The following EFCAB13 variants were observed in gnomAD, a reference collection of about 807,000 sequenced individuals.
EFCAB13 encodes EF-hand calcium-binding domain-containing protein 13.
In EFCAB13, 91 loss-of-function variants were observed where a neutral mutation model predicts 110.2. The observed-to-expected ratio is 0.83, with a 90% confidence interval of 0.70 to 0.98. The LOEUF is 0.98. Ranked by LOEUF, EFCAB13 falls within the 50% of genes least tolerant of loss-of-function variation. The pLI, the probability that EFCAB13 is intolerant of heterozygous loss-of-function variation, is 0.00. For missense variants in EFCAB13, 968 were observed against 1,119.4 expected (o/e 0.86, Z 1.93); for synonymous variants, 323 against 369.9 (o/e 0.87, Z 1.45).
intron 5 of EFCAB13, among the ~76,000 whole-genome samples, chr17:47,336,271 C>T (rs1305648608): frequency 6.6e-6 from 1 of 150,466 alleles, no homozygotes; most frequent in African/African-American, 2.5e-5. Flanking sequence ...GGACTACAGG[C>T]GTGCGCCGTC....
intron 4 of EFCAB13, among the ~76,000 whole-genome samples, chr17:47,332,797 T>C (rs570332601): frequency 6.6e-6 from 1 of 152,336 alleles, no homozygotes; most frequent in East Asian, 1.9e-4. Flanking sequence ...CACCACATTT[T>C]CTTTATGTAT....
intron 10 of EFCAB13, among the ~76,000 whole-genome samples, chr17:47,368,047 T>C (rs2065558648): frequency 6.6e-6 from 1 of 152,148 alleles, no homozygotes; most frequent in Admixed American, 6.5e-5. Flanking sequence ...CTGAAAAATA[T>C]TATGGCAACA....
intron 11 of EFCAB13, 23 bp from the exon 12 acceptor site, chr17:47,374,449 A>G (rs1031045635): frequency 7.0e-7 from 1 of 1,438,704 alleles, no homozygotes; most frequent in African/African-American, 1.4e-5. Flanking sequence ...TAAATGAAAT[A>G]ATTGTATATT....
chr17:47,366,537 G>T (rs2065547306), intron 10 of EFCAB13, among the ~76,000 whole-genome samples: 1 of 152,114 alleles, frequency 6.6e-6, no homozygotes, highest in South Asian at 2.1e-4. Context: ...ACAGTAGGTA[G>T]CTGCATTTTC....
At chr17:47,423,534 C>T (rs1258522177) in intron 23 of EFCAB13, 2 of 289,530 alleles carry the variant, frequency 6.9e-6, no homozygotes, top group Admixed American at 5.2e-5. Flanking sequence ...TCCCGATCCC[C>T]GGCCGTGCCA....
intron 21 of EFCAB13, among the ~76,000 whole-genome samples, chr17:47,411,106 T>A (rs1392179414): frequency 6.6e-6 from 1 of 152,220 alleles, no homozygotes; most frequent in African/African-American, 2.4e-5. Flanking sequence ...AATATTAACA[T>A]CTGATACTTA....
intron 17 of EFCAB13, among the ~76,000 whole-genome samples, chr17:47,397,531 A>G (rs2065747861): frequency 6.8e-6 from 1 of 147,296 alleles, no homozygotes; most frequent in Admixed American, 6.7e-5. Flanking sequence ...AGTGAGGAGC[A>G]TCTCTGCCCG....
chr17:47,356,358 G>A (rs2065480481), intron 9 of EFCAB13, among the ~76,000 whole-genome samples: 1 of 152,204 alleles, frequency 6.6e-6, no homozygotes, highest in Admixed American at 6.5e-5. Flanking sequence ...AAGGGCTGCT[G>A]TTCAGATTCT....
At chr17:47,327,750 C>G (rs903802136) in intron 3 of EFCAB13, among the ~76,000 whole-genome samples, 8 of 152,062 alleles carry the variant, frequency 5.3e-5, no homozygotes, top group African/African-American at 1.9e-4. Flanking sequence ...CCACTGCGCC[C>G]GGCCTACACC....
intron 24 of EFCAB13, among the ~76,000 whole-genome samples, chr17:47,439,770 C>G (rs1462837701): frequency 6.6e-6 from 1 of 151,958 alleles, no homozygotes; most frequent in African/African-American, 2.4e-5. Context: ...TTATCCCCCA[C>G]CCCCATGAAA....
intron 17 of EFCAB13, among the ~76,000 whole-genome samples, chr17:47,400,703 C>T (rs1440291507): frequency 6.7e-6 from 1 of 148,506 alleles, no homozygotes. Flanking sequence ...CCCTTCCCTT[C>T]CCTTCCTTCC....
intron 4 of EFCAB13, among the ~76,000 whole-genome samples, chr17:47,330,206 G>A (rs2065311992): frequency 6.7e-6 from 1 of 149,952 alleles, no homozygotes; most frequent in Non-Finnish European, 1.5e-5. Context: ...TTTTGGGGGG[G>A]TGGGGAGTGG....
In EFCAB13 at chr17:47,404,173, T is replaced by G. The variant is rs533009382; in HGVS notation, c.2161+152T>G. 58 of 663,924 alleles carry G rather than the reference T, an allele frequency of 8.7e-5. No individual in the cohort carries two copies. In the South Asian group the frequency reaches 1.1e-3, roughly 12 times the overall value. 41.1% of individuals were successfully genotyped at this position (663,924 alleles called of 1,614,324 possible). A position where few individuals can be genotyped will look rare whatever the true frequency, so the allele number is the denominator to read the frequency against. Reference sequence around the variant, plus strand: ...TCCTCTTTTGCAGTTATGAGAATACTTCTATACAAGCGGGTCTAGATTTTG... The same window carrying G: ...TCCTCTTTTGCAGTTATGAGAATACGTCTATACAAGCGGGTCTAGATTTTG... On this transcript the variant is annotated intron_variant, in intron 19 of 24. Coordinates refer to ENST00000331493, the MANE Select transcript of EFCAB13 (RefSeq NM_152347.5).
At chr17:47,363,799 A>C (rs112611491) in intron 10 of EFCAB13, among the ~76,000 whole-genome samples, 1,960 of 152,246 alleles carry the variant, frequency 0.013, 38 homozygotes, top group East Asian at 0.065. Context: ...GTGGTTTTGT[A>C]GTGGGCTTTT....
intron 17 of EFCAB13, among the ~76,000 whole-genome samples, chr17:47,401,247 C>T (rs1027449977): frequency 8.5e-5 from 13 of 152,208 alleles, no homozygotes; most frequent in African/African-American, 2.9e-4. Flanking sequence ...CTTTTATCTG[C>T]TGGTGACACA....
intron 24 of EFCAB13, among the ~76,000 whole-genome samples, chr17:47,435,046 A>C (rs147918512): frequency 6.6e-6 from 1 of 152,314 alleles, no homozygotes; most frequent in East Asian, 1.9e-4. Context: ...GATGGGACTT[A>C]ATTAAACTAA....
At chr17:47,439,532 A>G (rs1905276938) in intron 24 of EFCAB13, among the ~76,000 whole-genome samples, 1 of 151,872 alleles carries the variant, frequency 6.6e-6, no homozygotes, top group Non-Finnish European at 1.5e-5. Context: ...CTAAATTTTT[A>G]TTTCCTGACT....
At chr17:47,429,634 C>T (rs1040645654) in intron 23 of EFCAB13, among the ~76,000 whole-genome samples, 184 bp from the exon 24 acceptor site, 5 of 152,226 alleles carry the variant, frequency 3.3e-5, no homozygotes, top group Non-Finnish European at 7.3e-5. Context: ...TAGCACTTAG[C>T]AAGTGCCCTG....
intron 23 of EFCAB13, 68 bp downstream of exon 23, chr17:47,414,987 G>A: frequency 8.5e-7 from 1 of 1,176,080 alleles, no homozygotes; most frequent in East Asian, 2.5e-5. Flanking sequence ...ATTTAAAAAT[G>A]AAAGGTCCAA....
Sources: allele counts gnomAD v4.1 joint callset (sites outside exome capture counted in the v4.1 genomes callset), GRCh38; gene constraint gnomAD v4.1.1; transcripts MANE v1.5; gene names NCBI Gene and HGNC (gene_info 2026-07-23, HGNC 2026-07-21).